Variants in BTRC observed in about 807,000 individuals in gnomAD.
The protein encoded by BTRC is beta-transducin repeat containing E3 ubiquitin protein ligase.
Under a neutral mutation model 85.5 loss-of-function variants are expected in BTRC, and 42 were observed. The ratio of observed to expected loss-of-function variants is 0.49; its 90% CI spans 0.38 to 0.64. BTRC has a LOEUF of 0.64. BTRC is among the 30% of genes least tolerant of loss of function. The pLI, the probability that BTRC is intolerant of heterozygous loss-of-function variation, is 0.00. For missense variants in BTRC, 594 were observed against 743.5 expected (o/e 0.80, Z 2.34); for synonymous variants, 255 against 263.3 (o/e 0.97, Z 0.30).
chr10:101,459,839 A>C (rs542950832), intron 2 of BTRC, among the ~76,000 whole-genome samples: 1 of 152,278 alleles, frequency 6.6e-6, no homozygotes, highest in South Asian at 2.1e-4. Flanking sequence ...GCTAGTCAAT[A>C]CTCAGGCTGT....
At chr10:101,434,844 A>G (rs1944486964) in intron 2 of BTRC, among the ~76,000 whole-genome samples, 1 of 151,368 alleles carries the variant, frequency 6.6e-6, no homozygotes, top group Non-Finnish European at 1.5e-5. Context: ...CATGTTGGCC[A>G]GGCTGTTCTT....
intron 1 of BTRC, among the ~76,000 whole-genome samples, chr10:101,422,605 T>C (rs1374885459): frequency 6.6e-6 from 1 of 152,236 alleles, no homozygotes; most frequent in Middle Eastern, 3.2e-3. Context: ...GTTTTAGGTC[T>C]AACATTTAAG....
chr10:101,458,587 C>T (rs1945140537), intron 2 of BTRC, among the ~76,000 whole-genome samples: 1 of 152,148 alleles, frequency 6.6e-6, no homozygotes, highest in African/African-American at 2.4e-5. Context: ...TTTCCAATTG[C>T]CTCAACAGTG....
At chr10:101,481,011 A>G (rs1945818483) in intron 4 of BTRC, among the ~76,000 whole-genome samples, 1 of 152,186 alleles carries the variant, frequency 6.6e-6, no homozygotes, top group African/African-American at 2.4e-5. Context: ...CTTTACCTCC[A>G]GGGCTCAAGC....
chr10:101,393,419 A>G (rs2133985919), intron 1 of BTRC, among the ~76,000 whole-genome samples: 1 of 152,276 alleles, frequency 6.6e-6, no homozygotes, highest in East Asian at 1.9e-4. Context: ...TGTGACTGAT[A>G]TCTAGGGATA....
intron 1 of BTRC, among the ~76,000 whole-genome samples, chr10:101,406,566 ACT>A: frequency 1.1e-5 from 1 of 88,002 alleles, no homozygotes; most frequent in South Asian, 3.7e-4. Context: ...ACGGAGTCTC[ACT>A]CTTTCACCCA....
intron 1 of BTRC, among the ~76,000 whole-genome samples, chr10:101,367,120 G>A (rs1334170291): frequency 1.5e-5 from 2 of 133,270 alleles, no homozygotes; most frequent in Non-Finnish European, 3.1e-5. Context: ...GCCCAGGCTG[G>A]AGTGCAGTGG....
intron 1 of BTRC, among the ~76,000 whole-genome samples, chr10:101,427,113 C>CTTTTTTTTTTTTTTT (rs138285266): frequency 3.1e-4 from 34 of 109,364 alleles, no homozygotes; most frequent in East Asian, 5.4e-4. Context: ...TTTTTTCTTT[C>CTTTTTTTTTTTTTTT]TTTTTTTTTT....
At chr10:101,457,814 TTTAA>T (rs760811873) in intron 2 of BTRC, among the ~76,000 whole-genome samples, 23 of 152,208 alleles carry the variant, frequency 1.5e-4, no homozygotes, top group Non-Finnish European at 2.9e-4. Context: ...TTATTATGGA[TTTAA>T]TTAATTAATT....
chr10:101,504,578 C>T (rs548792945), intron 4 of BTRC, among the ~76,000 whole-genome samples: 6 of 152,170 alleles, frequency 3.9e-5, no homozygotes, highest in South Asian at 2.1e-4. Context: ...CCCCAATCCT[C>T]GGTCACTTTT....
At chr10:101,455,154 G>T (rs934692644) in intron 2 of BTRC, among the ~76,000 whole-genome samples, 1 of 150,568 alleles carries the variant, frequency 6.6e-6, no homozygotes, top group East Asian at 1.9e-4. Flanking sequence ...GGGCTTAAGC[G>T]ATCCTCCCGC....
intron 5 of BTRC, among the ~76,000 whole-genome samples, chr10:101,523,677 T>C (rs2062152162): frequency 6.6e-6 from 1 of 152,220 alleles, no homozygotes; most frequent in Non-Finnish European, 1.5e-5. Context: ...CTGTTTTCTC[T>C]ACGTATGTGT....
chr10:101,473,758 G>A (rs2134206414), intron 3 of BTRC, among the ~76,000 whole-genome samples: 1 of 151,568 alleles, frequency 6.6e-6, no homozygotes, highest in South Asian at 2.1e-4. Context: ...CACTGGGCCT[G>A]GCCAATTTTT....
intron 1 of BTRC, among the ~76,000 whole-genome samples, chr10:101,410,645 G>A (rs1943750654): frequency 6.6e-6 from 1 of 152,020 alleles, no homozygotes; most frequent in South Asian, 2.1e-4. Flanking sequence ...CCCTTTTAAT[G>A]TGCTGTTGAG....
At chr10:101,514,534 C>G (rs373608619) in intron 4 of BTRC, among the ~76,000 whole-genome samples, 1 of 151,986 alleles carries the variant, frequency 6.6e-6, no homozygotes, top group East Asian at 1.9e-4. Context: ...CTCACTATAA[C>G]CTCCACCTCC....
intron 1 of BTRC, among the ~76,000 whole-genome samples, chr10:101,374,792 A>ATT (rs1564735161): frequency 1.1e-4 from 17 of 151,612 alleles, no homozygotes; most frequent in Admixed American, 6.6e-4. Context: ...TAAATAAAAA[A>ATT]AAAAAAAAGA....
chr10:101,435,259 T>G (rs968706986), intron 2 of BTRC, among the ~76,000 whole-genome samples: 5 of 152,186 alleles, frequency 3.3e-5, no homozygotes, highest in Non-Finnish European at 7.4e-5. Flanking sequence ...AAGTGTACTC[T>G]TAGGTGAGTT....
intron 12 of BTRC, among the ~76,000 whole-genome samples, chr10:101,537,869 C>T (rs1452706692): frequency 6.6e-6 from 1 of 152,170 alleles, no homozygotes; most frequent in Non-Finnish European, 1.5e-5. Context: ...CTTGAGGAAA[C>T]ATGGCCTATT....
intron 14 of BTRC, among the ~76,000 whole-genome samples, chr10:101,551,443 T>A (rs1447127885): frequency 1.3e-5 from 2 of 152,238 alleles, no homozygotes; most frequent in African/African-American, 4.8e-5. Context: ...TTTTGACCTC[T>A]GACCTCCACA....
Sources: gnomAD v4.1 joint callset for allele counts (sites outside exome capture counted in the v4.1 genomes callset) on GRCh38, gnomAD v4.1.1 for gene constraint, MANE v1.5 for transcripts, NCBI Gene and HGNC (gene_info 2026-07-23, HGNC 2026-07-21) for gene names.